ADARB2: variants seen among roughly 807,000 people sequenced by gnomAD.
The protein encoded by ADARB2 is inactive double-stranded RNA-specific editase B2.
ADARB2 carries 25 observed loss-of-function variants against 62.2 expected under a neutral mutation model. The observed-to-expected ratio is 0.40, with a 90% CI of 0.29 to 0.56. The LOEUF is 0.56. Among genes scored for constraint, ADARB2 ranks in the 20% least tolerant of loss-of-function variants. The pLI is 0.43. For synonymous variants in ADARB2, 572 were observed against 500.8 expected, an observed-to-expected ratio of 1.14 and a Z score of -1.90; for missense variants, 1,071 against 1,077.4, an observed-to-expected ratio of 0.99 and a Z score of 0.08.
At chr10:1,187,300 G>C (rs1390824296) in intron 8 of ADARB2, among the ~76,000 whole-genome samples, 2 of 152,210 alleles carry the variant, frequency 1.3e-5, no homozygotes, top group Non-Finnish European at 2.9e-5. Context: ...CACTGGGAGA[G>C]GCAGTCACTA....
intron 4 of ADARB2, among the ~76,000 whole-genome samples, chr10:1,249,117 T>A (rs1379715894): frequency 6.6e-6 from 1 of 152,210 alleles, no homozygotes; most frequent in Non-Finnish European, 1.5e-5. Context: ...CAACATGGGC[T>A]TATTTCTGAA....
intron 3 of ADARB2, among the ~76,000 whole-genome samples, chr10:1,351,226 T>C (rs1314749437): frequency 6.6e-6 from 1 of 152,196 alleles, no homozygotes; most frequent in Non-Finnish European, 1.5e-5. Context: ...AGACTGACGC[T>C]GCCCGATCAC....
chr10:1,684,554 G>C (rs1432653170), intron 1 of ADARB2, among the ~76,000 whole-genome samples: 4 of 152,164 alleles, frequency 2.6e-5, no homozygotes, highest in African/African-American at 9.7e-5. Context: ...ATTGTAGAAA[G>C]TTCTAGATTT....
At chr10:1,632,867 T>C (rs910355181) in intron 1 of ADARB2, among the ~76,000 whole-genome samples, 6 of 152,206 alleles carry the variant, frequency 3.9e-5, no homozygotes, top group African/African-American at 1.4e-4. Context: ...GGTCAACTGT[T>C]ATTTCTGGGT....
intron 8 of ADARB2, among the ~76,000 whole-genome samples, chr10:1,192,465 G>A (rs933072115): frequency 1.4e-4 from 22 of 152,140 alleles, no homozygotes; most frequent in African/African-American, 5.3e-4. Context: ...AACTTCTAAG[G>A]CTGTATTAAT....
intron 1 of ADARB2, among the ~76,000 whole-genome samples, chr10:1,687,789 A>T: frequency 6.6e-6 from 1 of 152,154 alleles, no homozygotes; most frequent in East Asian, 1.9e-4. Context: ...CAGGTGCCAC[A>T]GGAGTCACAC....
At chr10:1,613,774 T>C (rs7900711) in intron 1 of ADARB2, among the ~76,000 whole-genome samples, 109,790 of 152,178 alleles carry the variant, frequency 0.72, 39,801 homozygotes, top group African/African-American at 0.81. Context: ...AAGCTAATAA[T>C]GGAGATAAGG....
intron 2 of ADARB2, among the ~76,000 whole-genome samples, chr10:1,377,999 C>T (rs1832449500): frequency 6.6e-6 from 1 of 152,190 alleles, no homozygotes; most frequent in East Asian, 1.9e-4. Context: ...AGGGTCACCT[C>T]GCCTCCTCCC....
At position 1,213,320 on chromosome 10, in the gene ADARB2, C is replaced by T. The variant is rs140059158; in HGVS notation, c.1682+3631G>A. Among the ~76,000 whole-genome samples the T allele has an allele frequency of 1.7e-3, 255 of 151,962 alleles. 1 individual carries two copies. Among genetic ancestry groups the T allele is most frequent in the African/African-American group, 5.8e-3 (240 of 41,450 alleles). On this transcript the variant is annotated intron_variant, in intron 7 of 9. Coordinates refer to ENST00000381312, the MANE Select transcript of ADARB2 (RefSeq NM_018702.4). The stretch of plus-strand genomic sequence containing the variant: ...ACAGAGGGAGAGACATAGAGACAGA[C>T]GCAGAGACAGAGAGAGGCCGAGAGC...
intron 3 of ADARB2, among the ~76,000 whole-genome samples, chr10:1,303,374 T>G (rs934293039): frequency 6.6e-6 from 1 of 151,692 alleles, no homozygotes; most frequent in African/African-American, 2.4e-5. Flanking sequence ...AATATGGGAC[T>G]ATGTGAAAAG....
intron 1 of ADARB2, among the ~76,000 whole-genome samples, chr10:1,503,914 T>C (rs2131939849): frequency 6.6e-6 from 1 of 152,288 alleles, no homozygotes; most frequent in Admixed American, 6.5e-5. Flanking sequence ...AGCTTCACGC[T>C]TCTTGTACAG....
chr10:1,649,012 A>G (rs1051275439), intron 1 of ADARB2, among the ~76,000 whole-genome samples: 2 of 152,206 alleles, frequency 1.3e-5, no homozygotes, highest in Non-Finnish European at 2.9e-5. Flanking sequence ...GGCACTTTAC[A>G]GAGGATGCTA....
At chr10:1,532,101 C>T (rs1279981994) in intron 1 of ADARB2, among the ~76,000 whole-genome samples, 1 of 152,192 alleles carries the variant, frequency 6.6e-6, no homozygotes, top group East Asian at 1.9e-4. Context: ...ATTATTGGTG[C>T]TCCCACTGCG....
At chr10:1,212,546 C>CCCT (rs1391306132) in intron 7 of ADARB2, among the ~76,000 whole-genome samples, 1 of 152,224 alleles carries the variant, frequency 6.6e-6, no homozygotes, top group East Asian at 1.9e-4. Flanking sequence ...CCCCTCCTCC[C>CCCT]CCTCCTGCTA....
chr10:1,676,726 T>C (rs1173377478), intron 1 of ADARB2, among the ~76,000 whole-genome samples: 2 of 152,188 alleles, frequency 1.3e-5, no homozygotes, highest in Admixed American at 1.3e-4. Flanking sequence ...AATATTTAGG[T>C]GATTGTTTAA....
rs1428685287 is a variant in ADARB2 at position 1,177,418 on chromosome 10, A to G, written c.*5775T>C. 3 of 151,992 alleles carry G rather than the reference A, an allele frequency of 2.0e-5. No homozygotes were observed. The highest frequency in any genetic ancestry group is 4.4e-5 in the Non-Finnish European group (3 of 68,042). 9.4% of individuals were successfully genotyped at this position (151,992 alleles called of 1,614,324 possible). On this transcript the variant is annotated 3_prime_UTR_variant, in exon 10 of 10. Transcript: ENST00000381312. Reference sequence around the variant, plus strand: ...TAGAGGCAAATTAACATGTAAATTCATATTTTAAGGTTTTGGATTTTTTTT... The same window carrying G: ...TAGAGGCAAATTAACATGTAAATTCGTATTTTAAGGTTTTGGATTTTTTTT...
intron 1 of ADARB2, among the ~76,000 whole-genome samples, chr10:1,619,799 T>A (rs993530708): frequency 6.6e-6 from 1 of 152,106 alleles, no homozygotes; most frequent in Admixed American, 6.6e-5. Flanking sequence ...GATAATATGC[T>A]AGATTAGAAA....
In ADARB2 at chr10:1,333,573, C is replaced by G. The variant is rs1024598297; in HGVS notation, c.1077+29455G>C. ...CACCTCAGCACACTGTTTTTCTCAT[C>G]ATATTAATACATGATACCTGTAATA... On this transcript the variant is annotated intron_variant, in intron 3 of 9. Transcript: ENST00000381312. Among the ~76,000 whole-genome samples the G allele has an allele frequency of 5.3e-5, 8 of 152,208 alleles. No homozygotes were observed. In the East Asian group the frequency reaches 1.5e-3, roughly 29 times the overall value.
intron 6 of ADARB2, among the ~76,000 whole-genome samples, chr10:1,218,888 C>CAA (rs1205868356): frequency 1.2e-4 from 17 of 141,716 alleles, no homozygotes; most frequent in African/African-American, 3.6e-4. Flanking sequence ...ACTAAAAATA[C>CAA]AAAAAAAAAA....
Sources: allele counts gnomAD v4.1 joint callset (sites outside exome capture counted in the v4.1 genomes callset), GRCh38; gene constraint gnomAD v4.1.1; transcripts MANE v1.5; gene names NCBI Gene and HGNC (gene_info 2026-07-23, HGNC 2026-07-21).